SH3BGRL2: variants seen among roughly 807,000 people sequenced by gnomAD.
SH3BGRL2 encodes the protein SH3 domain-binding glutamic acid-rich-like protein 2.
A neutral mutation model predicts 14.8 loss-of-function variants in SH3BGRL2; 21 were observed. The ratio of observed to expected loss-of-function variants is 1.42; its 90% confidence interval spans 1.01 to 2.05. SH3BGRL2 has a LOEUF of 2.05. SH3BGRL2 is among the 30% of genes most tolerant of loss of function. SH3BGRL2 has a pLI of 0.00. For missense variants in SH3BGRL2, 147 were observed against 130.8 expected (o/e 1.12, Z -0.61); for synonymous variants, 50 against 47.8 (o/e 1.05, Z -0.19).
chr6:79,573,661 A>G, the SH3BGRL2 span, among the ~76,000 whole-genome samples: 21 of 152,200 alleles, frequency 1.4e-4, no homozygotes, highest in Non-Finnish European at 2.5e-4. Flanking sequence ...AGTATCAATA[A>G]AGGCTTATAA....
rs531283738 is a variant in SH3BGRL2, at chr6:79,649,075, T to C, written c.45+17569T>C. ...AGGACCACCTCACCCAGAGGACTGT[T>C]AATGAAACAGGCAGAAAGTCCTCAA... On this transcript the variant is annotated intron_variant, in intron 1 of 3. Transcript: ENST00000369838. Among the ~76,000 whole-genome samples, 4 of 152,284 alleles carry C rather than the reference T, an allele frequency of 2.6e-5. No individual in the cohort carries two copies. In the South Asian group the frequency reaches 8.3e-4, roughly 32 times the overall value.
intron 1 of SH3BGRL2, among the ~76,000 whole-genome samples, chr6:79,648,255 C>CATATATAT (rs60702112): frequency 0.026 from 1,623 of 62,352 alleles, 65 homozygotes; most frequent in African/African-American, 0.072. Context: ...ATTCTTTTGG[C>CATATATAT]ATATATATAT....
the SH3BGRL2 span, among the ~76,000 whole-genome samples, chr6:79,620,725 A>G: frequency 6.6e-6 from 1 of 151,958 alleles, no homozygotes; most frequent in Admixed American, 6.6e-5. Flanking sequence ...GAAGAGGAGA[A>G]AGGGAGAGGA....
chr6:79,579,200 A>G, the SH3BGRL2 span, among the ~76,000 whole-genome samples: 2 of 152,220 alleles, frequency 1.3e-5, no homozygotes, highest in African/African-American at 2.4e-5. Flanking sequence ...GATGGGGAGA[A>G]TGGAACCAAG....
At position 79,699,956 on chromosome 6, in the gene SH3BGRL2, A is replaced by G; in HGVS notation, c.*447A>G. The G allele has an allele frequency of 6.1e-6, 1 of 163,990 alleles. No homozygotes were observed. Among genetic ancestry groups the G allele is most frequent in the Non-Finnish European group, 1.3e-5 (1 of 76,398 alleles). 10.2% of individuals were successfully genotyped at this position (163,990 alleles called of 1,614,324 possible). A position where few individuals can be genotyped will look rare whatever the true frequency, so the allele number is the denominator to read the frequency against. On this transcript the variant is annotated 3_prime_UTR_variant, in exon 4 of 4. Coordinates refer to ENST00000369838, the MANE Select transcript of SH3BGRL2 (RefSeq NM_031469.4). ...GAATCTTTGAATCAGAAGGAAAAAA[A>G]GCAGCGCTGGTTGACAAAGGGTGTT...
the SH3BGRL2 span, among the ~76,000 whole-genome samples, chr6:79,587,212 T>C: frequency 6.6e-6 from 1 of 152,226 alleles, no homozygotes. Context: ...CCTCTATATT[T>C]TTCCAAAACT....
chr6:79,671,693 T>C (rs919893972), intron 1 of SH3BGRL2, among the ~76,000 whole-genome samples: 27 of 152,232 alleles, frequency 1.8e-4, no homozygotes, highest in African/African-American at 6.3e-4. Context: ...GATGGCTTCC[T>C]GTTACCGCAT....
At chr6:79,585,054 T>TAAA in the SH3BGRL2 span, among the ~76,000 whole-genome samples, 74 of 148,262 alleles carry the variant, frequency 5.0e-4, no homozygotes, top group South Asian at 8.4e-3. Context: ...CTTTTTTTTT[T>TAAA]AAAAAAAAAA....
At chr6:79,644,926 G>A (rs963710420) in intron 1 of SH3BGRL2, among the ~76,000 whole-genome samples, 2 of 152,060 alleles carry the variant, frequency 1.3e-5, no homozygotes, top group East Asian at 1.9e-4. Context: ...TTGGGAGGCC[G>A]AGATGGGCGG....
the SH3BGRL2 span, chr6:79,561,307 G>T: frequency 6.6e-6 from 1 of 151,474 alleles, no homozygotes; most frequent in African/African-American, 2.4e-5. Context: ...TCAACATGTC[G>T]TCAATATGTA....
the SH3BGRL2 span, among the ~76,000 whole-genome samples, chr6:79,607,781 C>T: frequency 6.6e-6 from 1 of 152,176 alleles, no homozygotes; most frequent in East Asian, 1.9e-4. Context: ...CCCGCCTCTA[C>T]TAAAAATACA....
the SH3BGRL2 span, among the ~76,000 whole-genome samples, chr6:79,603,202 G>T: frequency 5.9e-5 from 9 of 152,086 alleles, no homozygotes. Context: ...TTTTAAAAGG[G>T]TGACTCTAAG....
the SH3BGRL2 span, among the ~76,000 whole-genome samples, chr6:79,577,934 C>T: frequency 2.6e-5 from 4 of 152,214 alleles, no homozygotes; most frequent in Non-Finnish European, 5.9e-5. Context: ...ATGCTTTTCC[C>T]AAGGTCTTAG....
chr6:79,683,594 G>A (rs891959171), intron 2 of SH3BGRL2, among the ~76,000 whole-genome samples: 4 of 152,056 alleles, frequency 2.6e-5, no homozygotes, highest in East Asian at 1.9e-4. Flanking sequence ...GACTACAGGC[G>A]CATGCCACCA....
At chr6:79,691,344 T>C (rs1033634981) in intron 2 of SH3BGRL2, among the ~76,000 whole-genome samples, 2 of 151,946 alleles carry the variant, frequency 1.3e-5, no homozygotes, top group South Asian at 4.1e-4. Context: ...TTTTGTTTTT[T>C]TTTGTTTTTT....
chr6:79,597,077 A>G, the SH3BGRL2 span, among the ~76,000 whole-genome samples: 1 of 152,068 alleles, frequency 6.6e-6, no homozygotes, highest in South Asian at 2.1e-4. Context: ...CAAAAATACA[A>G]AAATTAGCCA....
chr6:79,620,844 G>A, the SH3BGRL2 span, among the ~76,000 whole-genome samples: 2 of 152,202 alleles, frequency 1.3e-5, no homozygotes, highest in Non-Finnish European at 2.9e-5. Flanking sequence ...TTCCAATTCT[G>A]TTTCTGCACA....
the SH3BGRL2 span, among the ~76,000 whole-genome samples, chr6:79,610,983 G>A: frequency 6.6e-6 from 1 of 152,178 alleles, no homozygotes; most frequent in African/African-American, 2.4e-5. Context: ...TTGGGGAGGC[G>A]AGGGTCTAAA....
chr6:79,643,205 A>G (rs1381522718), intron 1 of SH3BGRL2, among the ~76,000 whole-genome samples: 1 of 152,230 alleles, frequency 6.6e-6, no homozygotes, highest in Non-Finnish European at 1.5e-5. Context: ...TAGCATGTCT[A>G]GGATTATTCA....
Sources: allele counts gnomAD v4.1 joint callset (sites outside exome capture counted in the v4.1 genomes callset), GRCh38; gene constraint gnomAD v4.1.1; transcripts MANE v1.5; gene names NCBI Gene and HGNC (gene_info 2026-07-23, HGNC 2026-07-21).